The following TRAK2 variants were observed in gnomAD, a reference collection of about 807,000 sequenced individuals.
TRAK2 encodes trafficking kinesin-binding protein 2.
TRAK2 carries 81 observed loss-of-function variants against 104.6 expected under a neutral mutation model. The observed-to-expected ratio is 0.77, with a 90% CI of 0.65 to 0.93. The LOEUF (loss-of-function observed/expected upper bound fraction) is 0.93, where lower values mean the gene tolerates loss of function less well. Ranked by LOEUF, TRAK2 falls within the 40% of genes least tolerant of loss-of-function variation. The pLI is 0.00. For missense variants in TRAK2, 1,002 were observed against 1,089.0 expected, an observed-to-expected ratio of 0.92 and a Z score of 1.12; for synonymous variants, 406 against 394.4, an observed-to-expected ratio of 1.03 and a Z score of -0.35.
At chr2:201,412,294 G>C in intron 2 of TRAK2, 1 of 1,248,162 alleles carries the variant, frequency 8.0e-7, no homozygotes, top group East Asian at 2.3e-5. Flanking sequence ...TTGGAATAAG[G>C]TATCAAAATA....
At chr2:201,436,268 C>A (rs916314602) in intron 1 of TRAK2, among the ~76,000 whole-genome samples, 1 of 152,064 alleles carries the variant, frequency 6.6e-6, no homozygotes. Context: ...CAAGCAGAGG[C>A]ATTTTATACA....
chr2:201,427,241 G>A (rs1488823406), intron 1 of TRAK2, among the ~76,000 whole-genome samples: 1 of 152,102 alleles, frequency 6.6e-6, no homozygotes, highest in East Asian at 1.9e-4. Flanking sequence ...TGTTACATAT[G>A]TATATATGTG....
rs1261883759 is a variant in TRAK2, at chr2:201,380,852, G to C, written c.2436C>G (p.Leu812=). Residue 812 remains leucine (L), a synonymous_variant, in exon 16 of 16, where the codon CTC becomes CTG. Coordinates refer to ENST00000332624, the MANE Select transcript of TRAK2 (RefSeq NM_015049.3). ...FLASRPAETF[L]QEMYGLRPSR... is the part of the protein sequence containing the mutation. ...AGGGTCTCAAGCCATACATCTCCTG[G>C]AGGAATGTCTCAGCTGGTCGAGAGG... 3 of 1,614,074 alleles carry C rather than the reference G, an allele frequency of 1.9e-6. No individual in the cohort carries two copies. The South Asian group carries it at 3.3e-5, about 18-fold the overall frequency.
intron 2 of TRAK2, among the ~76,000 whole-genome samples, chr2:201,413,539 AT>A (rs1455741348): frequency 6.6e-6 from 1 of 152,130 alleles, no homozygotes; most frequent in Non-Finnish European, 1.5e-5. Context: ...CTGTATTACT[AT>A]TGAGTTTTTA....
At position 201,411,046 on chromosome 2, in the gene TRAK2, C is replaced by T. The variant is rs577390582; in HGVS notation, c.92-3449G>A. 4.3e-5 allele frequency: 55 copies of T among 1,265,368 alleles called. No individual in the cohort carries two copies. The African/African-American group carries it at 7.7e-4, about 18-fold the overall frequency. 78.4% of individuals were successfully genotyped at this position (1,265,368 alleles called of 1,614,324 possible). ...TTTGTCAAATTTCTCTTTGTATTAT[C>T]AACTGGTGTAGAAAACATCATGTCA... is the stretch of plus-strand genomic sequence containing the variant. On this transcript the variant is annotated intron_variant, in intron 2 of 15. Coordinates refer to ENST00000332624, the MANE Select transcript of TRAK2 (RefSeq NM_015049.3).
At position 201,381,195 on chromosome 2, in the gene TRAK2, C is replaced by G; in HGVS notation, c.2093G>C (p.Cys698Ser). The G allele has an allele frequency of 1.2e-6, 2 of 1,606,232 alleles. No homozygotes were observed. Among genetic ancestry groups the G allele is most frequent in the Non-Finnish European group, 1.7e-6 (2 of 1,177,238 alleles). The change falls in exon 16 of 16, where the codon TGT (cysteine) becomes TCT (serine). Residue 698 changes from cysteine to serine, a missense_variant. Transcript: ENST00000332624. Reference sequence around the variant, plus strand: ...GGATGAACTGCTACCGCTACTTCCACAGGATAATGAAGGGAACCCAGAGCT... The same window carrying G: ...GGATGAACTGCTACCGCTACTTCCAGAGGATAATGAAGGGAACCCAGAGCT... ...TPSSGFPSLSCGSSGSSSSNT... is the reference protein window; with the variant it reads ...TPSSGFPSLSSGSSGSSSSNT...
At chr2:201,389,709 C>T (rs1485168875) in intron 11 of TRAK2, 92 bp downstream of exon 11, 2 of 1,220,100 alleles carry the variant, frequency 1.6e-6, no homozygotes, top group Non-Finnish European at 2.3e-6. Flanking sequence ...CAAATTACTA[C>T]TGAATCTCGT....
chr2:201,391,988 C>T (rs982339271), intron 10 of TRAK2, among the ~76,000 whole-genome samples: 5 of 152,174 alleles, frequency 3.3e-5, no homozygotes, highest in African/African-American at 1.2e-4. Flanking sequence ...TAAACATCAA[C>T]TTCCTGATGC....
intron 4 of TRAK2, among the ~76,000 whole-genome samples, chr2:201,400,104 A>G (rs905154892): frequency 1.3e-5 from 2 of 148,904 alleles, no homozygotes; most frequent in African/African-American, 4.9e-5. Flanking sequence ...GATTCTGCCT[A>G]GAGTATAGAG....
chr2:201,395,405 A>T lies in TRAK2; in HGVS notation c.809T>A (p.Leu270Ter). ...AATCAGCTCATCACTCTTCCCTGAC[A>T]ATTCTTCAGTCATTCTGGACATCTG... ...NAQMSRMTEE[L>*]SGKSDELIRY... Residue 270 changes from leucine (L) to a stop codon, truncating the protein, a stop_gained, in exon 8 of 16, where the codon TTG (leucine) becomes TAG (stop). Coordinates refer to ENST00000332624, the MANE Select transcript of TRAK2 (RefSeq NM_015049.3). LOFTEE classifies it high-confidence loss of function. 1.3e-6 allele frequency: 2 copies of T among 1,582,742 alleles called. No individual in the cohort carries two copies. Among genetic ancestry groups the T allele is most frequent in the Non-Finnish European group, 1.7e-6 (2 of 1,158,088 alleles).
chr2:201,444,919 T>C (rs959323570), intron 1 of TRAK2, among the ~76,000 whole-genome samples: 2 of 152,146 alleles, frequency 1.3e-5, no homozygotes, highest in African/African-American at 2.4e-5. Context: ...ATCAACTCCA[T>C]TGTTACACAA....
At chr2:201,395,482 T>A in intron 7 of TRAK2, 38 bp from the exon 8 acceptor site, 1 of 1,473,866 alleles carries the variant, frequency 6.8e-7, no homozygotes, top group Non-Finnish European at 9.1e-7. Context: ...TTAATACAAA[T>A]GTAGAGAAGG....
chr2:201,380,193 C>A lies in TRAK2; in HGVS notation c.*350G>T. On this transcript the variant is annotated 3_prime_UTR_variant, in exon 16 of 16. Transcript: ENST00000332624. ...CTGGGTTCTCTCTGCTTTATGCTTA[C>A]CAGAAGTAAATGTGCCAGCAAGTTC... The A allele has an allele frequency of 3.6e-6, 1 of 276,352 alleles. No individual in the cohort carries two copies. The highest frequency in any genetic ancestry group is 6.9e-6 in the Non-Finnish European group (1 of 145,054). 17.1% of individuals were successfully genotyped at this position (276,352 alleles called of 1,614,324 possible). A position where few individuals can be genotyped will look rare whatever the true frequency, so the allele number is the denominator to read the frequency against.
At chr2:201,390,107 A>G (rs566340181) in intron 10 of TRAK2, among the ~76,000 whole-genome samples, 48 of 152,338 alleles carry the variant, frequency 3.2e-4, no homozygotes, top group African/African-American at 1.1e-3. Context: ...TGATAAATAG[A>G]AAATATATGT....
In TRAK2 at chr2:201,380,442, G is replaced by A. The variant is rs1477790127; in HGVS notation, c.*101C>T. ...CCCCTTTCACATTCACAACCCTTGT[G>A]CAACATTCCTTTTCTCTCAAGTCAG... On this transcript the variant is annotated 3_prime_UTR_variant, in exon 16 of 16. Coordinates refer to ENST00000332624, the MANE Select transcript of TRAK2 (RefSeq NM_015049.3). 7.4e-6 allele frequency: 9 copies of A among 1,212,174 alleles called. No individual in the cohort carries two copies. The highest frequency in any genetic ancestry group is 2.6e-4 in the Middle Eastern group (1 of 3,828). The allele number at this position is 1,212,174 out of a possible 1,614,324, so 75.1% of individuals were successfully genotyped here. A position where few individuals can be genotyped will look rare whatever the true frequency, so the allele number is the denominator to read the frequency against.
At chr2:201,401,707 C>A (rs1951552279) in intron 3 of TRAK2, among the ~76,000 whole-genome samples, 1 of 152,002 alleles carries the variant, frequency 6.6e-6, no homozygotes, top group Non-Finnish European at 1.5e-5. Context: ...AAATTGTATG[C>A]TACATTATTA....
In TRAK2 at chr2:201,424,312, T is replaced by A. The variant is rs767314238; in HGVS notation, c.-199-3606A>T. Reference sequence around the variant, plus strand: ...GCTATGTAAGTCTTTATGTCACATATAATTTTTATCAAGGTCTTTTAAATT... The same window carrying A: ...GCTATGTAAGTCTTTATGTCACATAAAATTTTTATCAAGGTCTTTTAAATT... On this transcript the variant is annotated intron_variant, in intron 1 of 15. Transcript: ENST00000332624. 2.0e-5 allele frequency among the ~76,000 whole-genome samples: 3 copies of A among 152,190 alleles called. No individual in the cohort carries two copies. In the East Asian group the frequency reaches 5.8e-4, roughly 29 times the overall value.
chr2:201,394,283 A>C (rs138609554), intron 9 of TRAK2, among the ~76,000 whole-genome samples: 407 of 152,212 alleles, frequency 2.7e-3, no homozygotes, highest in African/African-American at 9.0e-3. Context: ...ATTAATCAAG[A>C]AGGATGTTAC....
chr2:201,450,413 T>TA lies in TRAK2; in HGVS notation c.-200+936dup, dbSNP rs1157207335. The stretch of plus-strand genomic sequence containing the variant: ...CTGGCGACAGAGCGAGACTCTGTCT[T>TA]AAAAAAAAAAAAGAAAAGAAAGTTG... On this transcript the variant is annotated intron_variant, in intron 1 of 15. Coordinates refer to ENST00000332624, the MANE Select transcript of TRAK2 (RefSeq NM_015049.3). Among the ~76,000 whole-genome samples, 722 of 144,564 alleles carry TA rather than the reference T, an allele frequency of 5.0e-3. 3 individuals carry two copies. Among genetic ancestry groups the TA allele is most frequent in the African/African-American group, 1.0e-2 (394 of 39,552 alleles). 94.8% of individuals were successfully genotyped at this position (144,564 alleles called of 152,430 possible).
Sources: gnomAD v4.1 joint callset for allele counts (sites outside exome capture counted in the v4.1 genomes callset) on GRCh38, gnomAD v4.1.1 for gene constraint, MANE v1.5 for transcripts, NCBI Gene and HGNC (gene_info 2026-07-23, HGNC 2026-07-21) for gene names.